The following PDLIM4 variants were observed in gnomAD, a reference collection of about 807,000 sequenced individuals.
PDLIM4 encodes PDZ and LIM domain 4.
In PDLIM4, 19 loss-of-function variants were observed where a neutral mutation model predicts 31.3. That is an observed-to-expected ratio of 0.61 (90% confidence interval 0.42 to 0.89). The LOEUF is 0.89. Ranked by LOEUF, PDLIM4 falls within the 40% of genes least tolerant of loss-of-function variation. The pLI, the probability that PDLIM4 is intolerant of heterozygous loss-of-function variation, is 0.00. For missense variants in PDLIM4, 442 were observed against 461.1 expected, an observed-to-expected ratio of 0.96 and a Z score of 0.38; for synonymous variants, 176 against 190.1, an observed-to-expected ratio of 0.93 and a Z score of 0.61.
At chr5:132,266,832 A>G in intron 3 of PDLIM4, 1 of 304,722 alleles carries the variant, frequency 3.3e-6, no homozygotes, top group Non-Finnish European at 6.1e-6. Flanking sequence ...CGGCTATCAC[A>G]CAGCCAGCTG....
chr5:132,259,166 T>TAC (rs1756315418), intron 1 of PDLIM4, among the ~76,000 whole-genome samples: 1 of 150,384 alleles, frequency 6.6e-6, no homozygotes, highest in South Asian at 2.1e-4. Flanking sequence ...TGTGTGTGTG[T>TAC]GTACGCAAGC....
Position 132,272,041 on chromosome 5 carries a change from G to T in PDLIM4, c.805G>T (p.Ala269Ser), listed in dbSNP as rs1469075330. 2.5e-6 allele frequency: 4 copies of T among 1,614,188 alleles called. No homozygotes were observed. In the Admixed American group the frequency reaches 5.0e-5, roughly 20 times the overall value. ...GHGIVGTIVK[A>S]RDKLYHPECF... ...CCCCATCAGGGGCACCATCGTCAAG[G>T]CACGGGACAAGCTCTACCATCCCGA... The change falls in exon 7 of 7, where the codon GCA becomes TCA. Residue 269 changes from alanine to serine, a missense_variant. Physicochemically the swap from Ala to Ser is moderately conservative, Grantham distance 99. Coordinates refer to ENST00000253754, the MANE Select transcript of PDLIM4 (RefSeq NM_003687.4).
At chr5:132,258,795 C>T (rs1756303395) in intron 1 of PDLIM4, among the ~76,000 whole-genome samples, 1 of 152,234 alleles carries the variant, frequency 6.6e-6, no homozygotes, top group African/African-American at 2.4e-5. Context: ...AACCATCTGA[C>T]GGCCATCCCT....
At position 132,257,919 on chromosome 5, in the gene PDLIM4, G is replaced by C. The variant is rs914795201; in HGVS notation, c.93+92G>C. 1.6e-5 allele frequency: 11 copies of C among 697,056 alleles called. No individual in the cohort carries two copies. The highest frequency in any genetic ancestry group is 2.6e-4 in the Middle Eastern group (1 of 3,856). 43.2% of individuals were successfully genotyped at this position (697,056 alleles called of 1,614,324 possible). A position where few individuals can be genotyped will look rare whatever the true frequency, so the allele number is the denominator to read the frequency against. On this transcript the variant is annotated intron_variant, in intron 1 of 6. Coordinates refer to ENST00000253754, the MANE Select transcript of PDLIM4 (RefSeq NM_003687.4). This position sits in a 1 kb window ranked among gnomAD's most constrained non-coding sequence, Gnocchi z 4.3. ...CGGGACCCAGATCCCCTGTGTATCC[G>C]AGGCTTGAAGGCGGAGGGTTGGCCT...
chr5:132,272,578 T>G lies in PDLIM4; in HGVS notation c.*349T>G. ...CGGCGCGACGACAGGAGGTATGACCTGGGTGGGGTCAGGGAAAGTCTTAGC... is the reference window on the plus strand; with the variant it reads ...CGGCGCGACGACAGGAGGTATGACCGGGGTGGGGTCAGGGAAAGTCTTAGC... On this transcript the variant is annotated 3_prime_UTR_variant, in exon 7 of 7. Coordinates refer to ENST00000253754, the MANE Select transcript of PDLIM4 (RefSeq NM_003687.4). 2.8e-6 allele frequency: 1 copy of G among 355,428 alleles called. No homozygotes were observed. 22.0% of individuals were successfully genotyped at this position (355,428 alleles called of 1,614,324 possible).
Position 132,257,815 on chromosome 5 carries a change from C to T in PDLIM4, c.81C>T (p.Leu27=). The T allele has an allele frequency of 6.0e-6, 9 of 1,500,196 alleles. No individual in the cohort carries two copies. The highest frequency in any genetic ancestry group is 7.1e-6 in the Non-Finnish European group (8 of 1,127,814). The allele number at this position is 1,500,196 out of a possible 1,614,324, so 92.9% of individuals were successfully genotyped here. A position where few individuals can be genotyped will look rare whatever the true frequency, so the allele number is the denominator to read the frequency against. The change falls in exon 1 of 7, where the codon CTC becomes CTT. Residue 27 remains leucine (L), a synonymous_variant. Coordinates refer to ENST00000253754, the MANE Select transcript of PDLIM4 (RefSeq NM_003687.4). This position sits in a 1 kb window ranked among gnomAD's most constrained non-coding sequence, Gnocchi z 4.3. ...GCGGCCGGGACTTCAGCGCGCCCCTCACCATCTCACGGGTGAGTCTGGCGG... is the reference window on the plus strand; with the variant it reads ...GCGGCCGGGACTTCAGCGCGCCCCTTACCATCTCACGGGTGAGTCTGGCGG... ...LVGGRDFSAP[L]TISRVHAGSK... is the part of the protein sequence containing the mutation.
intron 2 of PDLIM4, among the ~76,000 whole-genome samples, chr5:132,264,209 G>C (rs1459464056): frequency 6.6e-6 from 1 of 152,090 alleles, no homozygotes; most frequent in Non-Finnish European, 1.5e-5. Flanking sequence ...GAGGGTGGTG[G>C]GGTGGAGGTC....
At chr5:132,268,639 T>A (rs148339023) in intron 3 of PDLIM4, among the ~76,000 whole-genome samples, 74 of 152,254 alleles carry the variant, frequency 4.9e-4, no homozygotes, top group African/African-American at 1.7e-3. Context: ...GAGTGGCAAT[T>A]ATGCTCAGAA....
chr5:132,265,316 G>A (rs1333022190), intron 2 of PDLIM4, among the ~76,000 whole-genome samples: 1 of 152,236 alleles, frequency 6.6e-6, no homozygotes, highest in Non-Finnish European at 1.5e-5. Flanking sequence ...GGAAGTTGAA[G>A]GCCAAATAGC....
Position 132,273,322 on chromosome 5 carries a change from A to G in PDLIM4, c.*1093A>G, listed in dbSNP as rs1248641988. ...ATTTTGTGCTATCGCAAATCACAAA[A>G]AAACTGTTATCAATTCACATTCATC... On this transcript the variant is annotated 3_prime_UTR_variant, in exon 7 of 7. Coordinates refer to ENST00000253754, the MANE Select transcript of PDLIM4 (RefSeq NM_003687.4). 4 of 152,114 alleles carry G rather than the reference A, an allele frequency of 2.6e-5. No individual in the cohort carries two copies. Among genetic ancestry groups the G allele is most frequent in the African/African-American group, 4.8e-5 (2 of 41,334 alleles). The allele number at this position is 152,114 out of a possible 1,614,324, so 9.4% of individuals were successfully genotyped here.
At chr5:132,258,243 G>A (rs1218856789) in intron 1 of PDLIM4, among the ~76,000 whole-genome samples, 1 of 152,194 alleles carries the variant, frequency 6.6e-6, no homozygotes, top group Non-Finnish European at 1.5e-5. Context: ...GGTCCCTGCC[G>A]GCAGAGCTTG....
chr5:132,268,819 C>T (rs1489575026), intron 3 of PDLIM4, among the ~76,000 whole-genome samples: 1 of 152,120 alleles, frequency 6.6e-6, no homozygotes, highest in Non-Finnish European at 1.5e-5. Flanking sequence ...CAGGTAGTTA[C>T]CCCCATCCTG....
At chr5:132,267,552 C>T (rs924856256) in intron 3 of PDLIM4, among the ~76,000 whole-genome samples, 1 of 152,148 alleles carries the variant, frequency 6.6e-6, no homozygotes, top group Admixed American at 6.5e-5. Context: ...ATGACTCAGA[C>T]AAGGAGTCAA....
Position 132,272,446 on chromosome 5 carries a change from C to T in PDLIM4, c.*217C>T, listed in dbSNP as rs920178559. The T allele has an allele frequency of 1.7e-6, 1 of 585,114 alleles. No homozygotes were observed. Among genetic ancestry groups the T allele is most frequent in the East Asian group, 2.9e-5 (1 of 34,722 alleles). The allele number at this position is 585,114 out of a possible 1,614,324, so 36.2% of individuals were successfully genotyped here. A position where few individuals can be genotyped will look rare whatever the true frequency, so the allele number is the denominator to read the frequency against. ...GCTCTGGGTGCAGTAGTGAGCAGGA[C>T]GGGTACCATGCTGCCCTGAAGGGGG... On this transcript the variant is annotated 3_prime_UTR_variant, in exon 7 of 7. Coordinates refer to ENST00000253754, the MANE Select transcript of PDLIM4 (RefSeq NM_003687.4).
chr5:132,269,868 G>A (rs1756567580), intron 3 of PDLIM4, among the ~76,000 whole-genome samples: 1 of 152,202 alleles, frequency 6.6e-6, no homozygotes, highest in Non-Finnish European at 1.5e-5. Flanking sequence ...AGCTATGGAG[G>A]CCACTATGGC....
chr5:132,267,535 T>C (rs1234531624), intron 3 of PDLIM4, among the ~76,000 whole-genome samples: 1 of 151,908 alleles, frequency 6.6e-6, no homozygotes, highest in Non-Finnish European at 1.5e-5. Context: ...GAGCCCAGAG[T>C]AGTCACATGA....
At chr5:132,262,855 C>A in intron 2 of PDLIM4, 95 bp downstream of exon 2, 1 of 1,217,520 alleles carries the variant, frequency 8.2e-7, no homozygotes, top group Admixed American at 2.2e-5. Flanking sequence ...CACACAGCCT[C>A]TCTGCCTCAG....
chr5:132,270,046 G>A (rs1756571638), intron 3 of PDLIM4, among the ~76,000 whole-genome samples: 3 of 152,294 alleles, frequency 2.0e-5, no homozygotes, highest in East Asian at 3.9e-4. Context: ...TTGCTGTGGG[G>A]TGCTTGTGTG....
At chr5:132,262,567 A>G (rs1447912852) in intron 1 of PDLIM4, 42 bp from the exon 2 acceptor site, 5 of 1,543,012 alleles carry the variant, frequency 3.2e-6, no homozygotes, top group East Asian at 2.4e-5. Flanking sequence ...CAGCAAGACC[A>G]TATCATGACT....
Sources: allele counts gnomAD v4.1 joint callset (sites outside exome capture counted in the v4.1 genomes callset), GRCh38; gene constraint gnomAD v4.1.1; non-coding constraint Gnocchi (gnomAD v3.1); transcripts MANE v1.5; gene names NCBI Gene and HGNC (gene_info 2026-07-23, HGNC 2026-07-21).